ERAP2: variants seen among roughly 807,000 people sequenced by gnomAD.
ERAP2 encodes the protein leukocyte-derived arginine aminopeptidase.
In ERAP2, 118 loss-of-function variants were observed where a neutral mutation model predicts 111.1. The observed-to-expected ratio is 1.06, with a 90% CI of 0.92 to 1.24. ERAP2 has a LOEUF of 1.24. Among genes scored for constraint, ERAP2 ranks in the 50% most tolerant of loss-of-function variants. The pLI is 0.00. For synonymous variants in ERAP2, 410 were observed against 401.2 expected, an observed-to-expected ratio of 1.02 and a Z score of -0.26; for missense variants, 1,131 against 1,125.8, an observed-to-expected ratio of 1.00 and a Z score of -0.07.
Position 96,880,097 on chromosome 5 carries a change from A to G in ERAP2, c.412A>G (p.Lys138Glu). Residue 138 changes from lysine to glutamate, a missense_variant, in exon 2 of 19, where the codon AAA becomes GAA. Lys to Glu is a moderately conservative substitution (Grantham distance 56). Around this residue, in one of 3 missense-constraint regions of ERAP2, gnomAD observed 847 missense variants for 856.5 expected, o/e 0.99. Transcript: ENST00000437043. ...ATACATGAAACCAGGAAAAGAACTG[A>G]AAGTTTTGAGTTACCCTGCTCATGA... Reference protein sequence around the residue: ...SRYMKPGKELKVLSYPAHEQI... With the variant: ...SRYMKPGKELEVLSYPAHEQI... 1.9e-6 allele frequency: 3 copies of G among 1,614,188 alleles called. No individual in the cohort carries two copies. Among genetic ancestry groups the G allele is most frequent in the East Asian group, 4.5e-5 (2 of 44,884 alleles).
chr5:96,888,876 G>T (rs753174073), intron 4 of ERAP2, among the ~76,000 whole-genome samples: 1 of 152,152 alleles, frequency 6.6e-6, no homozygotes, highest in African/African-American at 2.4e-5. Flanking sequence ...TCATAGAGAC[G>T]AACTCAAGTG....
intron 2 of ERAP2, among the ~76,000 whole-genome samples, chr5:96,883,078 G>C (rs1783321559): frequency 6.6e-6 from 1 of 152,140 alleles, no homozygotes; most frequent in African/African-American, 2.4e-5. Context: ...GAGAGAACTA[G>C]AAGTACCTGG....
chr5:96,897,445 C>A (rs1282887142), intron 9 of ERAP2, among the ~76,000 whole-genome samples: 2 of 152,226 alleles, frequency 1.3e-5, no homozygotes, highest in Non-Finnish European at 2.9e-5. Context: ...AAATTCTTAG[C>A]AGTGCACTTA....
At chr5:96,906,148 C>T (rs896504690) in intron 13 of ERAP2, among the ~76,000 whole-genome samples, 2 of 151,632 alleles carry the variant, frequency 1.3e-5, no homozygotes, top group South Asian at 2.1e-4. Flanking sequence ...AGGGCTGTCT[C>T]CAGAGCCATT....
intron 2 of ERAP2, chr5:96,881,414 TAGA>T (rs1247675205): frequency 8.8e-5 from 40 of 455,834 alleles, no homozygotes; most frequent in Non-Finnish European, 1.3e-4. Flanking sequence ...GTGAGGGAAA[TAGA>T]AGAATCAAGG....
chr5:96,905,575 T>G (rs1343493218), intron 13 of ERAP2, among the ~76,000 whole-genome samples: 2 of 152,198 alleles, frequency 1.3e-5, no homozygotes, highest in South Asian at 4.1e-4. Context: ...CCCTGCTTTA[T>G]GAAACTTCAA....
chr5:96,886,832 C>T, intron 4 of ERAP2, 43 bp downstream of exon 4: 1 of 1,351,322 alleles, frequency 7.4e-7, no homozygotes, highest in Admixed American at 2.8e-5. Flanking sequence ...AGAAAAGTGT[C>T]CTGAGAGCAA....
chr5:96,911,190 A>G (rs553643805), intron 15 of ERAP2, among the ~76,000 whole-genome samples: 2 of 152,224 alleles, frequency 1.3e-5, no homozygotes, highest in Non-Finnish European at 2.9e-5. Flanking sequence ...TAAAAAAATC[A>G]GGATAATAAC....
chr5:96,917,453 A>G lies in ERAP2; in HGVS notation c.2740-9A>G, dbSNP rs1787544250. 6.2e-7 allele frequency: 1 copy of G among 1,607,510 alleles called. No individual in the cohort carries two copies. Among genetic ancestry groups the G allele is most frequent in the African/African-American group, 1.3e-5 (1 of 74,390 alleles). ...AGTGTTAGTAATTTTTTTCTTCAATATTTTACAGGTGAAACTATTTTTTGA... is the reference window on the plus strand; with the variant it reads ...AGTGTTAGTAATTTTTTTCTTCAATGTTTTACAGGTGAAACTATTTTTTGA... On this transcript the variant is annotated splice_polypyrimidine_tract_variant and intron_variant, in intron 18 of 18. Coordinates refer to ENST00000437043, the MANE Select transcript of ERAP2 (RefSeq NM_022350.5).
chr5:96,881,507 C>A, intron 2 of ERAP2: 1 of 455,846 alleles, frequency 2.2e-6, no homozygotes, highest in Middle Eastern at 3.3e-4. Context: ...TCAGTGCACT[C>A]TCACGTTATG....
At chr5:96,889,554 T>C (rs1321908081) in intron 5 of ERAP2, 1 of 681,912 alleles carries the variant, frequency 1.5e-6, no homozygotes, top group Non-Finnish European at 2.6e-6. Context: ...CATCGAACTC[T>C]TTCCCAGGCT....
intron 13 of ERAP2, among the ~76,000 whole-genome samples, chr5:96,906,239 C>A (rs565113419): frequency 6.6e-6 from 1 of 151,372 alleles, no homozygotes; most frequent in Admixed American, 6.6e-5. Flanking sequence ...CCTCCTCTTC[C>A]TCTTCCTCTT....
At chr5:96,892,746 A>G (rs1294595153) in intron 6 of ERAP2, among the ~76,000 whole-genome samples, 1 of 152,214 alleles carries the variant, frequency 6.6e-6, no homozygotes, top group Non-Finnish European at 1.5e-5. Context: ...CAGACACATG[A>G]AGCACAGAAT....
chr5:96,917,731 C>A lies in ERAP2; in HGVS notation c.*126C>A, dbSNP rs1326071173. 1.6e-6 allele frequency: 1 copy of A among 618,088 alleles called. No individual in the cohort carries two copies. Among genetic ancestry groups the A allele is most frequent in the Non-Finnish European group, 2.5e-6 (1 of 395,632 alleles). 38.3% of individuals were successfully genotyped at this position (618,088 alleles called of 1,614,324 possible). A position where few individuals can be genotyped will look rare whatever the true frequency, so the allele number is the denominator to read the frequency against. ...ACCATCCTGGCTAACACGGTGAGAC[C>A]CCGTCTCCGCTAAAAATACAAAAAA... On this transcript the variant is annotated 3_prime_UTR_variant, in exon 19 of 19. Coordinates refer to ENST00000437043, the MANE Select transcript of ERAP2 (RefSeq NM_022350.5).
At chr5:96,908,428 C>G (rs1441673826) in intron 13 of ERAP2, among the ~76,000 whole-genome samples, 4 of 152,130 alleles carry the variant, frequency 2.6e-5, no homozygotes, top group African/African-American at 9.7e-5. Flanking sequence ...GATGAAAATA[C>G]TTGTTTTGTC....
At position 96,886,982 on chromosome 5, in the gene ERAP2, C is replaced by G. The variant is rs570877820; in HGVS notation, c.849+193C>G. 2.6e-5 allele frequency among the ~76,000 whole-genome samples: 4 copies of G among 151,136 alleles called. No individual in the cohort carries two copies. In the South Asian group the frequency reaches 8.4e-4, roughly 32 times the overall value. Reference sequence around the variant, plus strand: ...CAACTACTGATAATATTAATGTAAGCCTTCCAAATATTTTCTATATGTATG... The same window carrying G: ...CAACTACTGATAATATTAATGTAAGGCTTCCAAATATTTTCTATATGTATG... On this transcript the variant is annotated intron_variant, in intron 4 of 18. Coordinates refer to ENST00000437043, the MANE Select transcript of ERAP2 (RefSeq NM_022350.5).
In ERAP2 at chr5:96,896,718, G is replaced by A. The variant is rs756347023; in HGVS notation, c.1372-14G>A. The A allele has an allele frequency of 6.9e-7, 1 of 1,456,986 alleles. No individual in the cohort carries two copies. The highest frequency in any genetic ancestry group is 2.5e-5 in the East Asian group (1 of 40,604). 90.3% of individuals were successfully genotyped at this position (1,456,986 alleles called of 1,614,324 possible). ...CTTTATCTCTTTTTTCAACTCTTTT[G>A]TTTTTTTTTAAAGGGAGCTTGTATT... is the stretch of plus-strand genomic sequence containing the variant. On this transcript the variant is annotated splice_polypyrimidine_tract_variant and intron_variant, in intron 8 of 18. Coordinates refer to ENST00000437043, the MANE Select transcript of ERAP2 (RefSeq NM_022350.5).
At chr5:96,896,237 C>T (rs1784846830) in intron 7 of ERAP2, 136 bp from the exon 8 acceptor site, 1 of 648,568 alleles carries the variant, frequency 1.5e-6, no homozygotes. Context: ...GGAATACATA[C>T]AAGAAAAGAA....
At chr5:96,878,255 A>G (rs1418669199) in intron 1 of ERAP2, among the ~76,000 whole-genome samples, 1 of 152,152 alleles carries the variant, frequency 6.6e-6, no homozygotes, top group African/African-American at 2.4e-5. Flanking sequence ...AATATTATAA[A>G]CTCAAAATTT....
Sources: allele counts gnomAD v4.1 joint callset (sites outside exome capture counted in the v4.1 genomes callset), GRCh38; gene constraint gnomAD v4.1.1; regional missense constraint gnomAD v4.1.1; transcripts MANE v1.5; gene names NCBI Gene and HGNC (gene_info 2026-07-23, HGNC 2026-07-21).